The following CELF4 variants were observed in gnomAD, a reference collection of about 807,000 sequenced individuals.
CELF4 encodes the protein CUG-BP- and ETR-3-like factor 4.
A neutral mutation model predicts 59.9 loss-of-function variants in CELF4; 18 were observed. The ratio of observed to expected loss-of-function variants is 0.30; its 90% confidence interval spans 0.21 to 0.45. CELF4 has a LOEUF of 0.45. Among genes scored for constraint, CELF4 ranks in the 20% least tolerant of loss-of-function variants. The probability of loss-of-function intolerance (pLI) is 1.00; values close to 1 mark genes in which losing one functional copy is unlikely to be tolerated. For missense variants in CELF4, 456 were observed against 689.0 expected (o/e 0.66, Z 3.79); for synonymous variants, 261 against 267.1 (o/e 0.98, Z 0.22).
chr18:37,445,670 G>A (rs2099746179), intron 2 of CELF4, among the ~76,000 whole-genome samples: 1 of 152,136 alleles, frequency 6.6e-6, no homozygotes, highest in Non-Finnish European at 1.5e-5. Flanking sequence ...GGGAGGGGCA[G>A]AGGGACGGGA....
At position 37,275,085 on chromosome 18, in the gene CELF4, G is replaced by A. The variant is rs1179065925; in HGVS notation, c.577+30C>T. On this transcript the variant is annotated intron_variant, in intron 4 of 12. Transcript: ENST00000420428. ...TCCCTCCGCCTCGCCCCTCCCTCCG[G>A]GGCATCCCTCCCGGCCCCGCCCCGC... The A allele has an allele frequency of 2.5e-6, 4 of 1,609,228 alleles. No individual in the cohort carries two copies. The African/African-American group carries it at 4.0e-5, about 16-fold the overall frequency.
intron 1 of CELF4, among the ~76,000 whole-genome samples, chr18:37,521,587 A>ACAGCTTAT (rs1486596691): frequency 1.3e-5 from 2 of 152,186 alleles, no homozygotes; most frequent in Non-Finnish European, 2.9e-5. Flanking sequence ...ATACATTTTG[A>ACAGCTTAT]CAGCTTATCT....
At chr18:37,446,343 C>G (rs576285796) in intron 2 of CELF4, among the ~76,000 whole-genome samples, 1 of 152,138 alleles carries the variant, frequency 6.6e-6, no homozygotes, top group African/African-American at 2.4e-5. Flanking sequence ...CTGGAGGGGT[C>G]GAGCCAGGCC....
chr18:37,273,618 C>A (rs926484738), intron 6 of CELF4: 2 of 989,896 alleles, frequency 2.0e-6, no homozygotes, highest in Non-Finnish European at 2.4e-6. Flanking sequence ...ACCCCAGGCA[C>A]CCCTAGTGTT....
At chr18:37,535,615 G>A (rs1036323678) in intron 1 of CELF4, among the ~76,000 whole-genome samples, 2 of 152,148 alleles carry the variant, frequency 1.3e-5, no homozygotes, top group Admixed American at 6.5e-5. Context: ...GGTAATACAC[G>A]TGTATTACTT....
chr18:37,327,342 C>T (rs903412169), intron 2 of CELF4, among the ~76,000 whole-genome samples: 1 of 152,190 alleles, frequency 6.6e-6, no homozygotes, highest in Non-Finnish European at 1.5e-5. Context: ...CTACTCCTTT[C>T]CTGGTCCTGG....
intron 2 of CELF4, among the ~76,000 whole-genome samples, chr18:37,472,992 C>T (rs534506894): frequency 2.0e-5 from 3 of 152,256 alleles, no homozygotes; most frequent in South Asian, 4.2e-4. Context: ...CATCAACCCC[C>T]GAACCCTGCG....
chr18:37,256,238 C>T (rs1033696492), intron 11 of CELF4, among the ~76,000 whole-genome samples: 3 of 152,222 alleles, frequency 2.0e-5, no homozygotes, highest in Admixed American at 2.0e-4. Flanking sequence ...ATGGTATTCC[C>T]CCAGCCCTCC....
At chr18:37,274,114 C>A in intron 6 of CELF4, 197 bp downstream of exon 6, 1 of 1,391,840 alleles carries the variant, frequency 7.2e-7, no homozygotes, top group Non-Finnish European at 9.3e-7. Context: ...CTCCTGGCAG[C>A]CACCCCAACT....
At chr18:37,349,190 G>A (rs956732324) in intron 2 of CELF4, among the ~76,000 whole-genome samples, 1 of 152,214 alleles carries the variant, frequency 6.6e-6, no homozygotes, top group Admixed American at 6.5e-5. Flanking sequence ...TAGCGCAGGC[G>A]GTTTCGGCAG....
chr18:37,444,424 C>T (rs560896841), intron 2 of CELF4, among the ~76,000 whole-genome samples: 3 of 152,246 alleles, frequency 2.0e-5, no homozygotes, highest in Non-Finnish European at 2.9e-5. Flanking sequence ...AGGCAGCGGG[C>T]ATCATCTGTG....
intron 12 of CELF4, among the ~76,000 whole-genome samples, chr18:37,248,561 C>T (rs890741209): frequency 3.3e-5 from 5 of 152,164 alleles, no homozygotes; most frequent in African/African-American, 1.2e-4. Flanking sequence ...CCTACCCCAT[C>T]CTCTTTTCCC....
intron 2 of CELF4, among the ~76,000 whole-genome samples, chr18:37,457,140 C>T (rs1206751205): frequency 6.6e-6 from 1 of 152,136 alleles, no homozygotes; most frequent in Non-Finnish European, 1.5e-5. Context: ...TCCTAAAGAG[C>T]AGGAGGGCCT....
chr18:37,492,515 C>A (rs1161507671), intron 1 of CELF4, among the ~76,000 whole-genome samples: 1 of 152,094 alleles, frequency 6.6e-6, no homozygotes, highest in African/African-American at 2.4e-5. Flanking sequence ...ACATCTGTTC[C>A]CCCATCCAGG....
At chr18:37,293,210 G>T (rs1482515188) in intron 3 of CELF4, among the ~76,000 whole-genome samples, 3 of 152,240 alleles carry the variant, frequency 2.0e-5, no homozygotes, top group African/African-American at 7.2e-5. Context: ...GTGGCTTAGA[G>T]CAACACGGAT....
At chr18:37,408,858 TC>T (rs2099411186) in intron 2 of CELF4, among the ~76,000 whole-genome samples, 1 of 152,124 alleles carries the variant, frequency 6.6e-6, no homozygotes, top group Non-Finnish European at 1.5e-5. Flanking sequence ...TTTGTCTCCC[TC>T]TCCACCTGCC....
At chr18:37,463,639 T>G (rs982613130) in intron 2 of CELF4, among the ~76,000 whole-genome samples, 6 of 152,040 alleles carry the variant, frequency 3.9e-5, no homozygotes, top group Non-Finnish European at 8.8e-5. Flanking sequence ...CCTCCAGGAC[T>G]GCAGTGCCTT....
chr18:37,386,833 C>T (rs2099104389), intron 2 of CELF4, among the ~76,000 whole-genome samples: 1 of 152,236 alleles, frequency 6.6e-6, no homozygotes, highest in African/African-American at 2.4e-5. Context: ...ACTTTGTTCT[C>T]ATACCTCAGG....
At chr18:37,420,845 G>A (rs2099573629) in intron 2 of CELF4, among the ~76,000 whole-genome samples, 1 of 152,164 alleles carries the variant, frequency 6.6e-6, no homozygotes, top group African/African-American at 2.4e-5. Context: ...CAGCTTCTTG[G>A]AAGCCCTGCC....
Sources: gnomAD v4.1 joint callset for allele counts (sites outside exome capture counted in the v4.1 genomes callset) on GRCh38, gnomAD v4.1.1 for gene constraint, MANE v1.5 for transcripts, NCBI Gene and HGNC (gene_info 2026-07-23, HGNC 2026-07-21) for gene names.